TNFSF4: variants seen among roughly 807,000 people sequenced by gnomAD.
The protein encoded by TNFSF4 is TNF superfamily member 4.
A neutral mutation model predicts 7.3 loss-of-function variants in TNFSF4; 4 were observed. The observed-to-expected ratio is 0.55, with a 90% CI of 0.27 to 1.25. The LOEUF is 1.25. Among genes scored for constraint, TNFSF4 ranks in the 50% most tolerant of loss-of-function variants. The pLI is 0.12. For synonymous variants in TNFSF4, 76 were observed against 83.7 expected (o/e 0.91, Z 0.50); for missense variants, 181 against 208.8 (o/e 0.87, Z 0.82).
intron 1 of TNFSF4, among the ~76,000 whole-genome samples, chr1:173,204,924 A>AAACAC (rs1557886817): frequency 2.9e-4 from 38 of 131,722 alleles, no homozygotes; most frequent in African/African-American, 7.1e-4. Context: ...CACACACACA[A>AAACAC]ACACACACAC....
At chr1:173,387,629 C>T in the TNFSF4 span, among the ~76,000 whole-genome samples, 3 of 152,096 alleles carry the variant, frequency 2.0e-5, no homozygotes, top group East Asian at 1.9e-4. Flanking sequence ...GAGATCATTG[C>T]TGTATTTTCA....
the TNFSF4 span, among the ~76,000 whole-genome samples, chr1:173,226,350 C>A: frequency 6.6e-6 from 1 of 152,328 alleles, no homozygotes; most frequent in East Asian, 1.9e-4. Context: ...TTCTATCTTA[C>A]TTGTTCAAAA....
At chr1:173,173,562 A>G in the TNFSF4 span, among the ~76,000 whole-genome samples, 1 of 152,250 alleles carries the variant, frequency 6.6e-6, no homozygotes, top group South Asian at 2.1e-4. Flanking sequence ...TTCTGCCTGA[A>G]CATCCAAGCA....
chr1:173,345,088 C>T, the TNFSF4 span, among the ~76,000 whole-genome samples: 17 of 152,122 alleles, frequency 1.1e-4, no homozygotes, highest in Non-Finnish European at 1.9e-4. Context: ...GAATGTAGAT[C>T]GAAAAACTAG....
the TNFSF4 span, among the ~76,000 whole-genome samples, chr1:173,369,329 G>A: frequency 6.6e-6 from 1 of 152,180 alleles, no homozygotes; most frequent in Non-Finnish European, 1.5e-5. Flanking sequence ...CGTCAGTAAG[G>A]ACAACTAAAT....
the TNFSF4 span, chr1:173,362,612 T>C: frequency 2.0e-6 from 1 of 498,218 alleles, no homozygotes; most frequent in Non-Finnish European, 4.0e-6. Context: ...TGGGTAAGTT[T>C]TGCATGCTGC....
chr1:173,259,710 A>G, the TNFSF4 span, among the ~76,000 whole-genome samples: 1 of 152,238 alleles, frequency 6.6e-6, no homozygotes, highest in Non-Finnish European at 1.5e-5. Context: ...ACAAGTATCA[A>G]TAGCCAAATA....
At chr1:173,187,738 G>A (rs1649294151) in intron 2 of TNFSF4, among the ~76,000 whole-genome samples, 1 of 152,160 alleles carries the variant, frequency 6.6e-6, no homozygotes, top group South Asian at 2.1e-4. Flanking sequence ...TTTGTGCAGG[G>A]CCATCCCAAG....
At chr1:173,417,257 T>C in the TNFSF4 span, among the ~76,000 whole-genome samples, 1 of 152,206 alleles carries the variant, frequency 6.6e-6, no homozygotes, top group Non-Finnish European at 1.5e-5. Context: ...ATAATAATCC[T>C]AGCTTCCTTA....
At chr1:173,380,013 G>A in the TNFSF4 span, among the ~76,000 whole-genome samples, 3 of 152,170 alleles carry the variant, frequency 2.0e-5, no homozygotes, top group Admixed American at 2.0e-4. Context: ...CTGAGCGCCG[G>A]GTACGTTTGA....
chr1:173,359,770 A>G, the TNFSF4 span, among the ~76,000 whole-genome samples: 1 of 152,160 alleles, frequency 6.6e-6, no homozygotes, highest in Non-Finnish European at 1.5e-5. Flanking sequence ...AGTGTTTCCA[A>G]TCTTTCCATT....
At chr1:173,301,642 A>C in the TNFSF4 span, among the ~76,000 whole-genome samples, 1 of 151,720 alleles carries the variant, frequency 6.6e-6, no homozygotes, top group African/African-American at 2.4e-5. Flanking sequence ...TCTCCTCCCA[A>C]AGCCTTTTTC....
At chr1:173,444,058 C>T in the TNFSF4 span, among the ~76,000 whole-genome samples, 1 of 152,202 alleles carries the variant, frequency 6.6e-6, no homozygotes, top group Non-Finnish European at 1.5e-5. Context: ...ACACAAAACA[C>T]AACACTACCA....
Position 173,186,352 on chromosome 1 carries a change from A to G in TNFSF4, c.*164T>C. ...AACTGGTATATAAAATAAGTTTTAAATATCCCTGAGGGGTGGGGGCGGGAG... is the reference window on the plus strand; with the variant it reads ...AACTGGTATATAAAATAAGTTTTAAGTATCCCTGAGGGGTGGGGGCGGGAG... On this transcript the variant is annotated 3_prime_UTR_variant, in exon 3 of 3. Transcript: ENST00000281834. 1 of 568,752 alleles carries G rather than the reference A, an allele frequency of 1.8e-6. No individual in the cohort carries two copies. The highest frequency in any genetic ancestry group is 3.1e-6 in the Non-Finnish European group (1 of 326,120). 35.2% of individuals were successfully genotyped at this position (568,752 alleles called of 1,614,324 possible).
At chr1:173,208,163 C>G (rs1650263985), upstream of TNFSF4, among the ~76,000 whole-genome samples, 1 of 152,086 alleles carries the variant, frequency 6.6e-6, no homozygotes, top group African/African-American at 2.4e-5. Flanking sequence ...CCCTTTACCA[C>G]TAAAATAAAC....
the TNFSF4 span, among the ~76,000 whole-genome samples, chr1:173,403,511 C>G: frequency 6.6e-6 from 1 of 151,990 alleles, no homozygotes; most frequent in African/African-American, 2.4e-5. Flanking sequence ...CAATCAATTC[C>G]ACACTGACAT....
At chr1:173,372,013 T>C in the TNFSF4 span, among the ~76,000 whole-genome samples, 2 of 152,232 alleles carry the variant, frequency 1.3e-5, no homozygotes, top group Admixed American at 1.3e-4. Flanking sequence ...TATTTACTTT[T>C]GGCTACCAGT....
At chr1:173,342,809 TG>T in the TNFSF4 span, among the ~76,000 whole-genome samples, 1 of 152,216 alleles carries the variant, frequency 6.6e-6, no homozygotes, top group Admixed American at 6.5e-5. Flanking sequence ...CCTTGTGTCT[TG>T]GCCAAAGAGA....
At chr1:173,358,597 C>A in the TNFSF4 span, among the ~76,000 whole-genome samples, 3 of 152,144 alleles carry the variant, frequency 2.0e-5, no homozygotes, top group African/African-American at 7.2e-5. Flanking sequence ...TTCATTAAAG[C>A]ACATGTATTA....
Sources: allele counts gnomAD v4.1 joint callset (sites outside exome capture counted in the v4.1 genomes callset), GRCh38; gene constraint gnomAD v4.1.1; transcripts MANE v1.5; gene names NCBI Gene and HGNC (gene_info 2026-07-23, HGNC 2026-07-21).